MAP4K3: variants seen among roughly 807,000 people sequenced by gnomAD.
The protein encoded by MAP4K3 is mitogen-activated protein kinase kinase kinase kinase 3.
A neutral mutation model predicts 143.5 loss-of-function variants in MAP4K3; 94 were observed. That is an observed-to-expected ratio of 0.65 (90% CI 0.55 to 0.78). The LOEUF (loss-of-function observed/expected upper bound fraction) is 0.78. Ranked by LOEUF, MAP4K3 falls within the 30% of genes least tolerant of loss-of-function variation. The pLI is 0.00. For synonymous variants in MAP4K3, 416 were observed against 347.2 expected (o/e 1.20, Z -2.20); for missense variants, 1,077 against 1,068.1 (o/e 1.01, Z -0.12).
Position 39,260,628 on chromosome 2 carries a change from G to A in MAP4K3, c.2286C>T (p.Thr762=). Residue 762 remains threonine (T), a synonymous_variant, in exon 29 of 34, where the codon ACC becomes ACT. Coordinates refer to ENST00000263881, the MANE Select transcript of MAP4K3 (RefSeq NM_003618.4). ...VRFETVNPNS[T]SSWFTESDTP... is the part of the protein sequence containing the mutation. Reference sequence around the variant, plus strand: ...AACCTGATTCTGTAAACCATGAAGAGGTAGAATTTGGATTGACCGTCTCAA... The same window carrying A: ...AACCTGATTCTGTAAACCATGAAGAAGTAGAATTTGGATTGACCGTCTCAA... The A allele has an allele frequency of 6.2e-7, 1 of 1,613,962 alleles. No individual in the cohort carries two copies. The highest frequency in any genetic ancestry group is 8.5e-7 in the Non-Finnish European group (1 of 1,179,960).
chr2:39,337,331 T>C (rs1664997368), intron 5 of MAP4K3, among the ~76,000 whole-genome samples, 195 bp downstream of exon 5: 1 of 152,172 alleles, frequency 6.6e-6, no homozygotes, highest in Admixed American at 6.5e-5. Flanking sequence ...GGTTATATCA[T>C]CACATTTATG....
At chr2:39,369,542 A>T (rs1457332921) in intron 2 of MAP4K3, among the ~76,000 whole-genome samples, 1 of 152,138 alleles carries the variant, frequency 6.6e-6, no homozygotes, top group Non-Finnish European at 1.5e-5. Context: ...ACTCTAGACA[A>T]ATCAAACTAC....
At chr2:39,299,165 A>T (rs1219521572) in intron 16 of MAP4K3, among the ~76,000 whole-genome samples, 1 of 152,184 alleles carries the variant, frequency 6.6e-6, no homozygotes, top group Non-Finnish European at 1.5e-5. Flanking sequence ...GAACAATTTA[A>T]ATTGTTAATG....
At chr2:39,397,569 C>T (rs1328942684) in intron 1 of MAP4K3, among the ~76,000 whole-genome samples, 1 of 152,096 alleles carries the variant, frequency 6.6e-6, no homozygotes, top group Non-Finnish European at 1.5e-5. Context: ...TTCATACAAA[C>T]CCAATAAAAG....
At chr2:39,254,597 T>C in intron 31 of MAP4K3, 77 bp from the exon 32 acceptor site, 1 of 1,005,026 alleles carries the variant, frequency 9.9e-7, no homozygotes, top group Non-Finnish European at 1.5e-6. Context: ...TCCCTCTATC[T>C]CATACAGCAA....
rs748334197 is a variant in MAP4K3, at chr2:39,288,124, A to C, written c.1471T>G (p.Leu491Val). 1.0e-4 allele frequency: 162 copies of C among 1,613,822 alleles called. No individual in the cohort carries two copies. Among genetic ancestry groups the C allele is most frequent in the Non-Finnish European group, 1.3e-4 (148 of 1,179,936 alleles). The change falls in exon 20 of 34, where the codon TTA (leucine) becomes GTA (valine). Residue 491 changes from leucine to valine, a missense_variant. This residue lies in a region of MAP4K3 where 864 missense variants were observed against 801.2 expected (regional missense o/e 1.08). Transcript: ENST00000263881. ...PRLPPHKPVA[L>V]GNGMSSFQLN... The stretch of plus-strand genomic sequence containing the variant: ...TGCTGTCACCCTCCACCATTACCTA[A>C]GGCAACAGGTTTGTGTGGGGGTAAT...
chr2:39,374,766 C>T (rs1666174145), intron 2 of MAP4K3, among the ~76,000 whole-genome samples: 1 of 152,004 alleles, frequency 6.6e-6, no homozygotes, highest in Admixed American at 6.6e-5. Flanking sequence ...AGTCAGACAC[C>T]TTGGAGTAAC....
At chr2:39,393,992 T>C (rs1363207260) in intron 1 of MAP4K3, among the ~76,000 whole-genome samples, 1 of 152,204 alleles carries the variant, frequency 6.6e-6, no homozygotes, top group East Asian at 1.9e-4. Context: ...TGCTTTCTCA[T>C]GACATAAAAT....
chr2:39,297,275 G>GT (rs1228160845), intron 16 of MAP4K3, among the ~76,000 whole-genome samples: 6 of 151,896 alleles, frequency 4.0e-5, no homozygotes, highest in Non-Finnish European at 8.8e-5. Context: ...GTGCCACCAT[G>GT]TCCAGCTAAT....
At chr2:39,371,790 CTACA>C (rs1279446247) in intron 2 of MAP4K3, among the ~76,000 whole-genome samples, 1 of 151,728 alleles carries the variant, frequency 6.6e-6, no homozygotes, top group Non-Finnish European at 1.5e-5. Flanking sequence ...AAGAAGGTCA[CTACA>C]TATATATCCT....
chr2:39,264,922 T>C (rs1050949195), intron 28 of MAP4K3, among the ~76,000 whole-genome samples: 3 of 152,320 alleles, frequency 2.0e-5, no homozygotes, highest in Non-Finnish European at 2.9e-5. Flanking sequence ...AATATTTCAC[T>C]GATCTTTTAG....
chr2:39,415,193 T>C (rs954810957), intron 1 of MAP4K3, among the ~76,000 whole-genome samples: 1 of 152,218 alleles, frequency 6.6e-6, no homozygotes, highest in African/African-American at 2.4e-5. Flanking sequence ...CAGTTCCAAA[T>C]GAATGGGCTT....
chr2:39,324,999 TAG>T (rs748068147), intron 12 of MAP4K3, among the ~76,000 whole-genome samples: 2 of 152,182 alleles, frequency 1.3e-5, no homozygotes, highest in Non-Finnish European at 2.9e-5. Flanking sequence ...TTTTTAAAGA[TAG>T]AAACGGGGTC....
Position 39,258,420 on chromosome 2 carries a change from G to T in MAP4K3, c.2398C>A (p.Leu800Ile). 1 of 1,610,654 alleles carries T rather than the reference G, an allele frequency of 6.2e-7. No individual in the cohort carries two copies. The highest frequency in any genetic ancestry group is 1.7e-5 in the Admixed American group (1 of 59,898). ...CTGCTAGATTTTAATCTTCCTTGGA[G>T]ATTTACTATTTTTATACAACCTAGA... ...CLDCCIKIVN[L>I]QGRLKSSRKL... The change falls in exon 31 of 34, where the codon CTC becomes ATC. Residue 800 changes from leucine to isoleucine, a missense_variant. This residue lies in a region of MAP4K3 where 864 missense variants were observed against 801.2 expected (regional missense o/e 1.08). Transcript: ENST00000263881.
chr2:39,396,085 G>A (rs1666796707), intron 1 of MAP4K3, among the ~76,000 whole-genome samples: 1 of 152,130 alleles, frequency 6.6e-6, no homozygotes, highest in African/African-American at 2.4e-5. Context: ...TGCACCAGCT[G>A]GAATGTAGTG....
At chr2:39,383,702 T>G (rs1465204548) in intron 1 of MAP4K3, among the ~76,000 whole-genome samples, 1 of 152,048 alleles carries the variant, frequency 6.6e-6, no homozygotes, top group African/African-American at 2.4e-5. Context: ...GATGATAAAT[T>G]ATAAGGTTAA....
intron 8 of MAP4K3, among the ~76,000 whole-genome samples, chr2:39,329,361 C>A (rs181037155): frequency 9.9e-5 from 15 of 152,182 alleles, no homozygotes; most frequent in Admixed American, 5.2e-4. Flanking sequence ...TTTGAAAAGT[C>A]CAGCAGACAT....
At chr2:39,280,452 T>C (rs758341216) in intron 22 of MAP4K3, 96 bp from the exon 23 acceptor site, 195 of 533,414 alleles carry the variant, frequency 3.7e-4, no homozygotes, top group Non-Finnish European at 5.4e-4. Context: ...TGAGAGTCTA[T>C]AGATAGTATA....
rs115927392 is a variant in MAP4K3, at chr2:39,310,558, T to C, written c.998-1039A>G. Among the ~76,000 whole-genome samples, 644 of 152,324 alleles carry C rather than the reference T, an allele frequency of 4.2e-3. 3 individuals carry two copies. The highest frequency in any genetic ancestry group is 0.015 in the African/African-American group (615 of 41,574). On this transcript the variant is annotated intron_variant, in intron 13 of 33. Transcript: ENST00000263881. ...GATAATGCTGCAATAAACTTGGGAG[T>C]GTAGATATCTCTTAGATATACTGGT...
Sources: allele counts gnomAD v4.1 joint callset (sites outside exome capture counted in the v4.1 genomes callset), GRCh38; gene constraint gnomAD v4.1.1; regional missense constraint gnomAD v4.1.1; transcripts MANE v1.5; gene names NCBI Gene and HGNC (gene_info 2026-07-23, HGNC 2026-07-21).